Variants in EYS observed in about 807,000 individuals in gnomAD.
The protein encoded by EYS is EGF-like photoreceptor maintenance factor.
EYS carries 250 observed loss-of-function variants against 282.1 expected under a neutral mutation model. The observed-to-expected ratio is 0.89, with a 90% CI of 0.80 to 0.98. The LOEUF (loss-of-function observed/expected upper bound fraction) is 0.98, where lower values mean the gene tolerates loss of function less well. EYS is among the 50% of genes least tolerant of loss of function. The pLI is 0.00. For missense variants in EYS, 4,016 were observed against 3,709.0 expected (o/e 1.08, Z -2.15); for synonymous variants, 1,355 against 1,282.9 (o/e 1.06, Z -1.20).
intron 5 of EYS, among the ~76,000 whole-genome samples, chr6:65,482,407 C>T (rs535369055): frequency 6.6e-6 from 1 of 152,294 alleles, no homozygotes; most frequent in African/African-American, 2.4e-5. Flanking sequence ...TAGTTCAATT[C>T]TCTGCATGGC....
chr6:64,630,446 A>C (rs890747818), intron 22 of EYS, among the ~76,000 whole-genome samples: 1 of 152,100 alleles, frequency 6.6e-6, no homozygotes, highest in African/African-American at 2.4e-5. Flanking sequence ...AAGTTTTGTC[A>C]AGTGATTTTT....
At chr6:65,330,615 C>A in intron 11 of EYS, 1 of 953,830 alleles carries the variant, frequency 1.0e-6, no homozygotes, top group Non-Finnish European at 1.2e-6. Flanking sequence ...ATTTAAAATA[C>A]ACTTTAAAAG....
chr6:65,201,498 G>A (rs1054935571), intron 12 of EYS, among the ~76,000 whole-genome samples: 15 of 152,054 alleles, frequency 9.9e-5, no homozygotes, highest in Non-Finnish European at 1.5e-4. Flanking sequence ...ATTAGAGGAT[G>A]ACTAAATTGA....
chr6:65,680,573 A>T lies in EYS; in HGVS notation c.-448+26562T>A, dbSNP rs1054819014. Reference sequence around the variant, plus strand: ...AAAAATGGATCACTTCTATGGCTAAACTAATATCTTGAAATTCCTTTATTA... The same window carrying T: ...AAAAATGGATCACTTCTATGGCTAATCTAATATCTTGAAATTCCTTTATTA... On this transcript the variant is annotated intron_variant, in intron 1 of 42. Coordinates refer to ENST00000503581, the MANE Select transcript of EYS (RefSeq NM_001142800.2). Among the ~76,000 whole-genome samples, 3 of 152,144 alleles carry T rather than the reference A, an allele frequency of 2.0e-5. No homozygotes were observed. In the East Asian group the frequency reaches 5.8e-4, roughly 30 times the overall value.
At position 64,995,364 on chromosome 6, in the gene EYS, G is replaced by A. The variant is rs147349311; in HGVS notation, c.2259+2218C>T. 8.5e-3 allele frequency among the ~76,000 whole-genome samples: 1,299 copies of A among 152,168 alleles called. 19 individuals carry two copies. Among genetic ancestry groups the A allele is most frequent in the African/African-American group, 0.029 (1,201 of 41,512 alleles). On this transcript the variant is annotated intron_variant, in intron 14 of 42. Transcript: ENST00000503581. Reference sequence around the variant, plus strand: ...CTTTATCTTATGTGTCTTTCCCTTTGCTAATTTTAATCTGTAACTTTTATA... The same window carrying A: ...CTTTATCTTATGTGTCTTTCCCTTTACTAATTTTAATCTGTAACTTTTATA...
chr6:64,103,587 T>C (rs1364390215), intron 31 of EYS, among the ~76,000 whole-genome samples: 1 of 151,988 alleles, frequency 6.6e-6, no homozygotes, highest in Non-Finnish European at 1.5e-5. Flanking sequence ...TAATAGGAAA[T>C]AGAGCTAGAA....
chr6:64,223,838 A>T (rs1232278279), intron 31 of EYS, among the ~76,000 whole-genome samples: 1 of 152,086 alleles, frequency 6.6e-6, no homozygotes, highest in Non-Finnish European at 1.5e-5. Flanking sequence ...TTAGAAATAT[A>T]AGATAAATCA....
At chr6:65,459,334 ATG>A (rs999844155) in intron 5 of EYS, among the ~76,000 whole-genome samples, 8 of 152,088 alleles carry the variant, frequency 5.3e-5, no homozygotes, top group African/African-American at 1.4e-4. Flanking sequence ...GATATTTTAA[ATG>A]CCAGTGGTAT....
chr6:64,626,342 A>G, intron 22 of EYS, 97 bp from the exon 23 acceptor site: 1 of 1,415,348 alleles, frequency 7.1e-7, no homozygotes, highest in South Asian at 1.5e-5. Context: ...GTGTTTTCAG[A>G]GCTCCAACAA....
At chr6:64,632,092 C>T (rs1767803468) in intron 22 of EYS, among the ~76,000 whole-genome samples, 1 of 151,792 alleles carries the variant, frequency 6.6e-6, no homozygotes, top group Non-Finnish European at 1.5e-5. Context: ...TGCAAAGCAT[C>T]AACTTTAAAA....
intron 12 of EYS, among the ~76,000 whole-genome samples, chr6:65,179,523 C>T (rs569211469): frequency 2.0e-5 from 3 of 152,210 alleles, no homozygotes; most frequent in Middle Eastern, 6.8e-3. Context: ...GAAGTTGAAT[C>T]TCTGAATAGA....
intron 19 of EYS, among the ~76,000 whole-genome samples, chr6:64,870,468 AT>A (rs1304681858): frequency 2.7e-5 from 4 of 149,282 alleles, no homozygotes; most frequent in Non-Finnish European, 4.5e-5. Flanking sequence ...GGAGAATCTG[AT>A]TTGCAGATTT....
intron 22 of EYS, among the ~76,000 whole-genome samples, chr6:64,717,864 A>G (rs1252987946): frequency 6.6e-6 from 1 of 152,206 alleles, no homozygotes; most frequent in African/African-American, 2.4e-5. Flanking sequence ...CTACCTCAAA[A>G]GCCTTTAGAA....
At chr6:65,621,715 C>T (rs923361319) in intron 2 of EYS, among the ~76,000 whole-genome samples, 16 of 151,756 alleles carry the variant, frequency 1.1e-4, no homozygotes, top group African/African-American at 3.1e-4. Flanking sequence ...CCATGTTTAG[C>T]ACTTCCTTCA....
chr6:64,989,593 T>G (rs1355020393), intron 14 of EYS, among the ~76,000 whole-genome samples: 2 of 140,848 alleles, frequency 1.4e-5, no homozygotes, highest in Admixed American at 7.3e-5. Flanking sequence ...AAAAATTATA[T>G]TATTTAATTT....
intron 28 of EYS, among the ~76,000 whole-genome samples, chr6:64,403,109 T>C (rs994530487): frequency 6.6e-6 from 1 of 152,090 alleles, no homozygotes; most frequent in Non-Finnish European, 1.5e-5. Context: ...AAGAACAATA[T>C]ATCCAATTAT....
chr6:64,558,530 G>A (rs988702829), intron 26 of EYS, among the ~76,000 whole-genome samples: 1 of 152,002 alleles, frequency 6.6e-6, no homozygotes, highest in African/African-American at 2.4e-5. Context: ...GCAAAGTAAA[G>A]CAGAACAGAA....
chr6:64,199,344 AT>A (rs1765394113), intron 31 of EYS, among the ~76,000 whole-genome samples: 1 of 152,216 alleles, frequency 6.6e-6, no homozygotes, highest in African/African-American at 2.4e-5. Flanking sequence ...AGGATTCCCT[AT>A]TTAATAAATG....
intron 22 of EYS, among the ~76,000 whole-genome samples, chr6:64,697,381 C>T (rs955903274): frequency 2.6e-5 from 4 of 152,052 alleles, no homozygotes; most frequent in Admixed American, 2.0e-4. Flanking sequence ...AACCCACATT[C>T]GTAAAACAAA....
Sources: gnomAD v4.1 joint callset for allele counts (sites outside exome capture counted in the v4.1 genomes callset) on GRCh38, gnomAD v4.1.1 for gene constraint, MANE v1.5 for transcripts, NCBI Gene and HGNC (gene_info 2026-07-23, HGNC 2026-07-21) for gene names.